Variants in CDC42SE2 observed in about 807,000 individuals in gnomAD.
CDC42SE2 encodes CDC42 small effector protein 2.
Under a neutral mutation model 11.5 loss-of-function variants are expected in CDC42SE2, and 3 were observed. The ratio of observed to expected loss-of-function variants is 0.26; its 90% CI spans 0.12 to 0.67. The LOEUF is 0.67. Ranked by LOEUF, CDC42SE2 falls within the 30% of genes least tolerant of loss-of-function variation. The probability of loss-of-function intolerance (pLI) is 0.80; values close to 1 mark genes in which losing one functional copy is unlikely to be tolerated. For missense variants in CDC42SE2, 82 were observed against 106.8 expected (o/e 0.77, Z 1.02); for synonymous variants, 33 against 34.8 (o/e 0.95, Z 0.18).
chr5:131,308,322 G>A (rs1306738255), intron 1 of CDC42SE2, among the ~76,000 whole-genome samples: 11 of 152,118 alleles, frequency 7.2e-5, no homozygotes, highest in African/African-American at 2.4e-4. Flanking sequence ...TTTGGTACCA[G>A]TACCATGCTG....
chr5:131,302,517 T>C (rs1027354776), intron 1 of CDC42SE2, among the ~76,000 whole-genome samples: 1 of 152,086 alleles, frequency 6.6e-6, no homozygotes, highest in Admixed American at 6.5e-5. Flanking sequence ...GGTTTCACCA[T>C]GTTGGCCGGG....
At chr5:131,337,697 A>G (rs908607754) in intron 2 of CDC42SE2, among the ~76,000 whole-genome samples, 2 of 152,118 alleles carry the variant, frequency 1.3e-5, no homozygotes, top group Admixed American at 6.6e-5. Context: ...CCTCGCTGCT[A>G]CTTTGCAGTT....
intron 2 of CDC42SE2, among the ~76,000 whole-genome samples, chr5:131,331,612 C>T (rs1369600413): frequency 6.6e-6 from 1 of 152,082 alleles, no homozygotes; most frequent in East Asian, 1.9e-4. Flanking sequence ...TCTAGTTGGA[C>T]TTTTCTTTAT....
Position 131,270,972 on chromosome 5 carries a change from T to TA in CDC42SE2, c.-455+6807dup, listed in dbSNP as rs1444565613. On this transcript the variant is annotated intron_variant, in intron 1 of 4. Coordinates refer to ENST00000505065, the MANE Select transcript of CDC42SE2 (RefSeq NM_001375635.1). ...GGGAAGGTGGGGGAAGGTATAGTTT[T>TA]ATTGTGGCTTATCTGATTGTGATCT... is the stretch of plus-strand genomic sequence containing the variant. Among the ~76,000 whole-genome samples the TA allele has an allele frequency of 9.8e-5, 15 of 152,286 alleles. No homozygotes were observed. In the East Asian group the frequency reaches 2.7e-3, roughly 27 times the overall value.
At position 131,321,892 on chromosome 5, in the gene CDC42SE2, C is replaced by T. The variant is rs187148980; in HGVS notation, c.-286+5748C>T. Among the ~76,000 whole-genome samples the T allele has an allele frequency of 2.0e-3, 303 of 152,260 alleles. 1 individual carries two copies. Among genetic ancestry groups the T allele is most frequent in the African/African-American group, 7.0e-3 (290 of 41,558 alleles). On this transcript the variant is annotated intron_variant, in intron 2 of 4. Transcript: ENST00000505065. ...TTGAGACGGAGTCTCGCTGTGTCGC[C>T]CAGGCTGGAGTGCGGTGACGCGATG...
At chr5:131,279,587 A>G (rs1016458593) in intron 1 of CDC42SE2, among the ~76,000 whole-genome samples, 1 of 151,466 alleles carries the variant, frequency 6.6e-6, no homozygotes. Context: ...CTACTCTGTG[A>G]TTTCTTTTAC....
chr5:131,219,324 C>T, the CDC42SE2 span, among the ~76,000 whole-genome samples: 1 of 152,136 alleles, frequency 6.6e-6, no homozygotes, highest in South Asian at 2.1e-4. Context: ...AGCCTACAAT[C>T]CTCTAATATT....
chr5:131,325,709 A>G (rs926183339), intron 2 of CDC42SE2, among the ~76,000 whole-genome samples: 1 of 152,192 alleles, frequency 6.6e-6, no homozygotes, highest in South Asian at 2.1e-4. Flanking sequence ...CTCATGTTAT[A>G]TGATCAGTAA....
chr5:131,232,851 T>C, the CDC42SE2 span, among the ~76,000 whole-genome samples: 1 of 151,990 alleles, frequency 6.6e-6, no homozygotes, highest in Non-Finnish European at 1.5e-5. Context: ...TTCTGCCTAA[T>C]TCCCATCATC....
chr5:131,299,760 T>C (rs539643847), intron 1 of CDC42SE2, among the ~76,000 whole-genome samples: 2 of 152,262 alleles, frequency 1.3e-5, no homozygotes, highest in South Asian at 4.2e-4. Context: ...AGGGGAGTGA[T>C]TGAAATAACC....
chr5:131,367,216 T>A (rs939175939), intron 3 of CDC42SE2, among the ~76,000 whole-genome samples: 1 of 151,912 alleles, frequency 6.6e-6, no homozygotes, highest in Non-Finnish European at 1.5e-5. Context: ...CAAACAGATA[T>A]AAGCTCCTAC....
intron 1 of CDC42SE2, among the ~76,000 whole-genome samples, chr5:131,269,377 G>T (rs1756944204): frequency 6.6e-6 from 1 of 152,046 alleles, no homozygotes; most frequent in Non-Finnish European, 1.5e-5. Flanking sequence ...TAAATTATGA[G>T]CCCTGATATA....
intron 1 of CDC42SE2, among the ~76,000 whole-genome samples, chr5:131,294,952 C>G (rs975587924): frequency 6.6e-6 from 1 of 151,950 alleles, no homozygotes; most frequent in South Asian, 2.1e-4. Context: ...ATGGTGAAAC[C>G]CTGTCTATAC....
chr5:131,220,954 G>A, the CDC42SE2 span, among the ~76,000 whole-genome samples: 3 of 142,480 alleles, frequency 2.1e-5, no homozygotes, highest in African/African-American at 8.2e-5. Context: ...GCGCGATCTT[G>A]GCTCACTGCA....
intron 1 of CDC42SE2, among the ~76,000 whole-genome samples, chr5:131,275,545 G>C (rs1757084147): frequency 4.6e-5 from 7 of 151,980 alleles, no homozygotes; most frequent in Admixed American, 3.3e-4. Context: ...CCACCCACCT[G>C]GGCCTTCCAA....
intron 1 of CDC42SE2, among the ~76,000 whole-genome samples, chr5:131,309,501 G>T (rs1352768312): frequency 1.3e-5 from 2 of 151,272 alleles, no homozygotes; most frequent in African/African-American, 4.8e-5. Context: ...CTATTGATTG[G>T]AATAGTTTCA....
At chr5:131,274,061 C>T (rs958227480) in intron 1 of CDC42SE2, among the ~76,000 whole-genome samples, 8 of 152,196 alleles carry the variant, frequency 5.3e-5, no homozygotes, top group South Asian at 2.1e-4. Context: ...TGAGCTACTG[C>T]GCCCAGCCTA....
the CDC42SE2 span, among the ~76,000 whole-genome samples, chr5:131,211,881 G>A: frequency 4.6e-5 from 7 of 152,052 alleles, no homozygotes; most frequent in African/African-American, 1.4e-4. Flanking sequence ...CTACTGGGGG[G>A]CTGAGGTGGG....
intron 1 of CDC42SE2, among the ~76,000 whole-genome samples, chr5:131,309,441 CAG>C (rs1312525253): frequency 6.6e-6 from 1 of 152,090 alleles, no homozygotes; most frequent in African/African-American, 2.4e-5. Context: ...GCGTTGGTAT[CAG>C]AATGATGCTG....
Sources: gnomAD v4.1 joint callset for allele counts (sites outside exome capture counted in the v4.1 genomes callset) on GRCh38, gnomAD v4.1.1 for gene constraint, MANE v1.5 for transcripts, NCBI Gene and HGNC (gene_info 2026-07-23, HGNC 2026-07-21) for gene names.